The following CHL1 variants were observed in gnomAD, a reference collection of about 807,000 sequenced individuals.
CHL1 encodes the protein neural cell adhesion molecule L1-like protein.
A neutral mutation model predicts 141.9 loss-of-function variants in CHL1; 96 were observed. The observed-to-expected ratio is 0.68, with a 90% confidence interval of 0.57 to 0.80. CHL1 has a LOEUF of 0.80. CHL1 is among the 30% of genes least tolerant of loss of function. The probability of loss-of-function intolerance (pLI) is 0.00; values close to 1 mark genes in which losing one functional copy is unlikely to be tolerated. For synonymous variants in CHL1, 613 were observed against 502.2 expected (o/e 1.22, Z -2.95); for missense variants, 1,820 against 1,457.2 (o/e 1.25, Z -4.05).
In CHL1 at chr3:302,726, G is replaced by T. The variant is rs1698865425; in HGVS notation, c.-94-16957G>T. On this transcript the variant is annotated intron_variant, in intron 2 of 27. Coordinates refer to ENST00000256509, the MANE Select transcript of CHL1 (RefSeq NM_006614.4). ...CACTCTGATGATAGTTTCTTTTGCT[G>T]TGAAGAAGCTCTTTAGTTTAATTAG... Among the ~76,000 whole-genome samples the T allele has an allele frequency of 2.0e-5, 3 of 152,162 alleles. No homozygotes were observed. The South Asian group carries it at 6.2e-4, about 32-fold the overall frequency.
Position 217,088 on chromosome 3 carries a change from T to A in CHL1, c.-175+20025T>A, listed in dbSNP as rs116808150. 5.1e-3 allele frequency among the ~76,000 whole-genome samples: 770 copies of A among 152,252 alleles called. 7 individuals are homozygous for A. Among genetic ancestry groups the A allele is most frequent in the African/African-American group, 0.013 (553 of 41,550 alleles). On this transcript the variant is annotated intron_variant, in intron 1 of 27. Transcript: ENST00000256509. Reference sequence around the variant, plus strand: ...TTGATTTTCCCCCACCCTTTGGTCCTGTGTGCATTGGGGAAGAAATTACCT... The same window carrying A: ...TTGATTTTCCCCCACCCTTTGGTCCAGTGTGCATTGGGGAAGAAATTACCT...
intron 11 of CHL1, 99 bp from the exon 12 acceptor site, chr3:360,185 G>T: frequency 7.2e-7 from 1 of 1,390,858 alleles, no homozygotes; most frequent in Non-Finnish European, 9.9e-7. Context: ...CCCTAAACTG[G>T]TTTGAAAATA....
chr3:335,403 C>G (rs1235867968), intron 5 of CHL1, among the ~76,000 whole-genome samples: 1 of 152,162 alleles, frequency 6.6e-6, no homozygotes, highest in Non-Finnish European at 1.5e-5. Flanking sequence ...TGTTATTTCT[C>G]TGTAGTCCTA....
chr3:379,149 T>C (rs987960624), intron 16 of CHL1, among the ~76,000 whole-genome samples: 1 of 152,072 alleles, frequency 6.6e-6, no homozygotes, highest in Non-Finnish European at 1.5e-5. Context: ...AGGGAGGTGG[T>C]GGTACAGACC....
intron 2 of CHL1, among the ~76,000 whole-genome samples, chr3:306,167 C>A (rs944982973): frequency 6.6e-5 from 10 of 152,128 alleles, no homozygotes; most frequent in Non-Finnish European, 1.3e-4. Context: ...ATTAATTCTT[C>A]TCATACAAGC....
At chr3:219,388 T>C (rs1395562902) in intron 1 of CHL1, among the ~76,000 whole-genome samples, 2 of 152,152 alleles carry the variant, frequency 1.3e-5, no homozygotes, top group Non-Finnish European at 2.9e-5. Context: ...TGTATGTTCA[T>C]TGCAGCACTA....
At chr3:311,662 G>A (rs1699764504) in intron 2 of CHL1, among the ~76,000 whole-genome samples, 1 of 152,220 alleles carries the variant, frequency 6.6e-6, no homozygotes. Context: ...GGCCATGTGG[G>A]ATGCTCCAGG....
At chr3:305,252 C>T (rs140779963) in intron 2 of CHL1, among the ~76,000 whole-genome samples, 1 of 152,050 alleles carries the variant, frequency 6.6e-6, no homozygotes, top group African/African-American at 2.4e-5. Context: ...TTACAGAACA[C>T]TTTGTCTTTG....
In CHL1 at chr3:208,288, C is replaced by A. The variant is rs114274924; in HGVS notation, c.-175+11225C>A. On this transcript the variant is annotated intron_variant, in intron 1 of 27. Transcript: ENST00000256509. ...TGCAGTGTAATTTTGGACAGCAGGCCTTAAAAACCCATTACTGTATTTAAC... is the reference window on the plus strand; with the variant it reads ...TGCAGTGTAATTTTGGACAGCAGGCATTAAAAACCCATTACTGTATTTAAC... Among the ~76,000 whole-genome samples the A allele has an allele frequency of 9.0e-3, 1,333 of 147,858 alleles. 70 individuals are homozygous for A. Among genetic ancestry groups the A allele is most frequent in the African/African-American group, 0.033 (1,234 of 37,452 alleles).
In CHL1 at chr3:235,303, G is replaced by A. The variant is rs554319966; in HGVS notation, c.-174-9310G>A. 3.9e-5 allele frequency among the ~76,000 whole-genome samples: 6 copies of A among 152,124 alleles called. No individual in the cohort carries two copies. The East Asian group carries it at 1.2e-3, about 29-fold the overall frequency. ...TATAAAGCTCCATCCTGGAGAAATG[G>A]TCATGTGACATTAGGCAATATGTAA... On this transcript the variant is annotated intron_variant, in intron 1 of 27. Transcript: ENST00000256509.
intron 1 of CHL1, among the ~76,000 whole-genome samples, chr3:227,708 C>G (rs1219113507): frequency 6.6e-6 from 1 of 152,202 alleles, no homozygotes; most frequent in East Asian, 1.9e-4. Context: ...GTTCTTTGTA[C>G]TCTACGTTCT....
Position 241,681 on chromosome 3 carries a change from T to C in CHL1, c.-174-2932T>C, listed in dbSNP as rs113674886. On this transcript the variant is annotated intron_variant, in intron 1 of 27. Transcript: ENST00000256509. ...TCTTTCAGTCATACTTTTTAAATCT[T>C]AGTTACAAAGCACACAACCAATAAG... Among the ~76,000 whole-genome samples, 513 of 152,258 alleles carry C rather than the reference T, an allele frequency of 3.4e-3. 4 individuals are homozygous for C. The highest frequency in any genetic ancestry group is 0.012 in the African/African-American group (497 of 41,560).
intron 10 of CHL1, 129 bp downstream of exon 10, chr3:349,672 C>CAT: frequency 1.3e-6 from 1 of 758,066 alleles, no homozygotes; most frequent in Non-Finnish European, 2.2e-6. Flanking sequence ...GTAGTGCGGG[C>CAT]ATTGAATTAT....
chr3:214,209 T>C (rs1005888076), intron 1 of CHL1, among the ~76,000 whole-genome samples: 6 of 152,190 alleles, frequency 3.9e-5, no homozygotes, highest in Non-Finnish European at 7.4e-5. Context: ...AGCTCCTTCC[T>C]TACTTTTCAG....
At chr3:202,607 TG>T (rs1219327653) in intron 1 of CHL1, among the ~76,000 whole-genome samples, 1 of 152,214 alleles carries the variant, frequency 6.6e-6, no homozygotes, top group Non-Finnish European at 1.5e-5. Context: ...CACGCCCTAA[TG>T]TACCAATATT....
At chr3:289,393 G>A (rs1008229557) in intron 2 of CHL1, among the ~76,000 whole-genome samples, 13 of 151,860 alleles carry the variant, frequency 8.6e-5, no homozygotes, top group African/African-American at 3.2e-4. Flanking sequence ...AAAATATTAG[G>A]TTGTTGTAAA....
intron 1 of CHL1, among the ~76,000 whole-genome samples, chr3:241,454 G>T (rs931134050): frequency 2.0e-5 from 3 of 152,250 alleles, no homozygotes; most frequent in South Asian, 2.1e-4. Context: ...CCTGACTTCC[G>T]CTGATCCGCA....
chr3:223,777 G>C (rs766682530), intron 1 of CHL1, among the ~76,000 whole-genome samples: 1 of 152,178 alleles, frequency 6.6e-6, no homozygotes, highest in African/African-American at 2.4e-5. Context: ...GGTTTTTCCA[G>C]GATAGTTTGG....
intron 5 of CHL1, among the ~76,000 whole-genome samples, chr3:337,538 C>A (rs1224630232): frequency 1.3e-5 from 2 of 150,404 alleles, no homozygotes; most frequent in Non-Finnish European, 3.0e-5. Context: ...CACAACAGGC[C>A]CCGGTGTGTG....
Sources: gnomAD v4.1 joint callset for allele counts (sites outside exome capture counted in the v4.1 genomes callset) on GRCh38, gnomAD v4.1.1 for gene constraint, MANE v1.5 for transcripts, NCBI Gene and HGNC (gene_info 2026-07-23, HGNC 2026-07-21) for gene names.